Variants in TRPM8 observed in about 807,000 individuals in gnomAD.
TRPM8 encodes TRPM8 cationic channel.
In TRPM8, 110 loss-of-function variants were observed where a neutral mutation model predicts 133.7. The observed-to-expected ratio is 0.82, with a 90% CI of 0.70 to 0.96. The LOEUF is 0.96. TRPM8 is among the 40% of genes least tolerant of loss of function. TRPM8 has a pLI of 0.00. For synonymous variants in TRPM8, 535 were observed against 532.3 expected, an observed-to-expected ratio of 1.01 and a Z score of -0.07; for missense variants, 1,291 against 1,379.5, an observed-to-expected ratio of 0.94 and a Z score of 1.02.
In TRPM8 at chr2:233,996,509, T is replaced by G. The variant is rs200136712; in HGVS notation, c.3123T>G (p.Ser1041=). Reference sequence around the variant, plus strand: ...GCAAGGAGAAAAACATGGAGTCTTCTGTCTGCTGTGAGTGGTTTATCCATG... The same window carrying G: ...GCAAGGAGAAAAACATGGAGTCTTCGGTCTGCTGTGAGTGGTTTATCCATG... ...CCCKEKNMES[S]VCCFKNEDNE... is the part of the protein sequence containing the mutation. The change falls in exon 22 of 26, where the codon TCT becomes TCG. Residue 1041 remains serine (S), a synonymous_variant. Coordinates refer to ENST00000324695, the MANE Select transcript of TRPM8 (RefSeq NM_024080.5). The G allele has an allele frequency of 6.2e-7, 1 of 1,614,192 alleles. No individual in the cohort carries two copies. The highest frequency in any genetic ancestry group is 8.5e-7 in the Non-Finnish European group (1 of 1,179,998).
At chr2:233,931,020 C>A (rs1351588178) in intron 3 of TRPM8, among the ~76,000 whole-genome samples, 2 of 152,226 alleles carry the variant, frequency 1.3e-5, no homozygotes, top group African/African-American at 2.4e-5. Flanking sequence ...GGGAACCCAC[C>A]TGAGTGACCT....
chr2:233,947,450 G>A (rs906990154), intron 8 of TRPM8: 68 of 1,397,544 alleles, frequency 4.9e-5, no homozygotes, highest in South Asian at 7.3e-5. Context: ...GATTGTAACC[G>A]GCATATATAT....
chr2:233,972,317 C>T (rs552019333), intron 17 of TRPM8, among the ~76,000 whole-genome samples: 2 of 152,366 alleles, frequency 1.3e-5, no homozygotes, highest in South Asian at 2.1e-4. Flanking sequence ...GAGCTAGATA[C>T]AGAGTGACGA....
intron 9 of TRPM8, among the ~76,000 whole-genome samples, chr2:233,952,183 G>A (rs1041760404): frequency 6.6e-6 from 1 of 152,150 alleles, no homozygotes; most frequent in Admixed American, 6.5e-5. Flanking sequence ...TGCGTGCCGG[G>A]TTCTGAAATA....
In TRPM8 at chr2:233,938,917, T is replaced by A. The variant is rs1690830309; in HGVS notation, c.349-81T>A. On this transcript the variant is annotated intron_variant, in intron 4 of 25. Transcript: ENST00000324695. ...CTTCTAGAAGCAGGCAAGCGTGGGC[T>A]TGGAAGTTGGGAGGGAATGCTAAAC... 14 of 1,483,012 alleles carry A rather than the reference T, an allele frequency of 9.4e-6. No homozygotes were observed. The South Asian group carries it at 1.7e-4, about 18-fold the overall frequency. The allele number at this position is 1,483,012 out of a possible 1,614,324, so 91.9% of individuals were successfully genotyped here.
At chr2:233,960,744 T>G (rs200446609) in intron 11 of TRPM8, 32 bp from the exon 12 acceptor site, 2 of 1,580,888 alleles carry the variant, frequency 1.3e-6, no homozygotes, top group East Asian at 2.2e-5. Flanking sequence ...TTTTATAGTA[T>G]TGTTAGTACT....
chr2:233,957,970 A>G (rs1482864494), intron 11 of TRPM8, among the ~76,000 whole-genome samples: 1 of 152,248 alleles, frequency 6.6e-6, no homozygotes, highest in African/African-American at 2.4e-5. Context: ...TAATATTTCT[A>G]AAGTGCTTAG....
chr2:233,966,549 G>A, intron 14 of TRPM8, 61 bp from the exon 15 acceptor site: 1 of 1,605,402 alleles, frequency 6.2e-7, no homozygotes, highest in Non-Finnish European at 8.5e-7. Flanking sequence ...GGTGGAAGCA[G>A]GACAGTTTCG....
intron 21 of TRPM8, among the ~76,000 whole-genome samples, chr2:233,991,719 A>G (rs1301859875): frequency 6.6e-6 from 1 of 152,178 alleles, no homozygotes; most frequent in Non-Finnish European, 1.5e-5. Context: ...TTTGGTTTTT[A>G]CTACCAAATG....
At chr2:234,006,651 A>G (rs1692700899) in intron 22 of TRPM8, among the ~76,000 whole-genome samples, 1 of 152,152 alleles carries the variant, frequency 6.6e-6, no homozygotes, top group Admixed American at 6.5e-5. Flanking sequence ...AGGCAGCTCC[A>G]ATTCTTCATT....
chr2:233,988,312 T>C (rs926718856), intron 21 of TRPM8, among the ~76,000 whole-genome samples: 1 of 151,988 alleles, frequency 6.6e-6, no homozygotes, highest in Non-Finnish European at 1.5e-5. Context: ...AGGAATCATC[T>C]TTTGCCAGGG....
Position 233,981,089 on chromosome 2 carries a change from T to C in TRPM8, c.2448-685T>C, listed in dbSNP as rs547953582. The stretch of plus-strand genomic sequence containing the variant: ...GCTAGCAATTATATATGAGTAGTAC[T>C]TTCAAATGATGTCATTTTGTAAAGA... On this transcript the variant is annotated intron_variant, in intron 18 of 25. Coordinates refer to ENST00000324695, the MANE Select transcript of TRPM8 (RefSeq NM_024080.5). 2.0e-5 allele frequency among the ~76,000 whole-genome samples: 3 copies of C among 152,330 alleles called. No individual in the cohort carries two copies. The South Asian group carries it at 6.2e-4, about 32-fold the overall frequency.
intron 17 of TRPM8, among the ~76,000 whole-genome samples, chr2:233,973,497 G>A (rs1030521254): frequency 3.7e-4 from 56 of 152,132 alleles, no homozygotes; most frequent in African/African-American, 1.3e-3. Context: ...CCAAATCTCC[G>A]CTCTCCCTGG....
rs144339738 is a variant in TRPM8 at position 233,950,023 on chromosome 2, C to T, written c.1017C>T (p.Ile339=). Reference sequence around the variant, plus strand: ...GCTCGGGCCAGATCGCTGATGTGATCGCTAGCCTGGTGGAGGTGGAGGATG... The same window carrying T: ...GCTCGGGCCAGATCGCTGATGTGATTGCTAGCCTGGTGGAGGTGGAGGATG... The part of the protein sequence containing the change: ...VEGSGQIADV[I]ASLVEVEDAL... Residue 339 remains isoleucine, a synonymous_variant, in exon 9 of 26, where the codon ATC becomes ATT. Coordinates refer to ENST00000324695, the MANE Select transcript of TRPM8 (RefSeq NM_024080.5). 3.9e-5 allele frequency: 63 copies of T among 1,614,136 alleles called. No homozygotes were observed. Among genetic ancestry groups the T allele is most frequent in the Non-Finnish European group, 5.0e-5 (59 of 1,180,032 alleles).
At chr2:233,941,239 G>A (rs1209770709) in intron 5 of TRPM8, among the ~76,000 whole-genome samples, 1 of 152,090 alleles carries the variant, frequency 6.6e-6, no homozygotes, top group Non-Finnish European at 1.5e-5. Context: ...TTAGCTATAC[G>A]GATTTTAAAA....
intron 22 of TRPM8, among the ~76,000 whole-genome samples, chr2:233,999,745 A>T (rs1692503595): frequency 6.6e-6 from 1 of 152,244 alleles, no homozygotes; most frequent in South Asian, 2.1e-4. Flanking sequence ...CTAGACTTGG[A>T]TAGTTCGAGC....
intron 1 of TRPM8, among the ~76,000 whole-genome samples, chr2:233,925,792 G>T (rs28901607): frequency 6.6e-6 from 1 of 152,066 alleles, no homozygotes; most frequent in Non-Finnish European, 1.5e-5. Context: ...AGGCATTGAC[G>T]GGTTTTGTCT....
At chr2:233,985,060 G>C (rs183864548) in intron 20 of TRPM8, among the ~76,000 whole-genome samples, 1 of 150,008 alleles carries the variant, frequency 6.7e-6, no homozygotes, top group East Asian at 1.9e-4. Context: ...CTCCAGCCTC[G>C]GCATCAGAGT....
At chr2:233,969,219 C>T (rs912742859) in intron 15 of TRPM8, among the ~76,000 whole-genome samples, 2 of 152,060 alleles carry the variant, frequency 1.3e-5, no homozygotes, top group Non-Finnish European at 2.9e-5. Flanking sequence ...TGGCTCACAC[C>T]TGTAATCCCA....
Sources: gnomAD v4.1 joint callset for allele counts (sites outside exome capture counted in the v4.1 genomes callset) on GRCh38, gnomAD v4.1.1 for gene constraint, MANE v1.5 for transcripts, NCBI Gene and HGNC (gene_info 2026-07-23, HGNC 2026-07-21) for gene names.